The following PLEKHS1 variants were observed in gnomAD, a reference collection of about 807,000 sequenced individuals.
PLEKHS1 encodes the protein pleckstrin homology domain-containing family S member 1.
Under a neutral mutation model 51.0 loss-of-function variants are expected in PLEKHS1, and 55 were observed. The observed-to-expected ratio is 1.08, with a 90% confidence interval of 0.87 to 1.35. The LOEUF is 1.35. PLEKHS1 is among the 40% of genes most tolerant of loss of function. PLEKHS1 has a pLI of 0.00. For missense variants in PLEKHS1, 398 were observed against 423.0 expected (o/e 0.94, Z 0.52); for synonymous variants, 153 against 144.8 (o/e 1.06, Z -0.41).
intron 4 of PLEKHS1, among the ~76,000 whole-genome samples, chr10:113,767,111 T>G (rs1437474951): frequency 6.6e-6 from 1 of 152,192 alleles, no homozygotes; most frequent in African/African-American, 2.4e-5. Context: ...ACATAATTTG[T>G]GGAATCAAGA....
intron 5 of PLEKHS1, among the ~76,000 whole-genome samples, chr10:113,768,171 G>A (rs1269212552): frequency 6.6e-6 from 1 of 152,172 alleles, no homozygotes; most frequent in Non-Finnish European, 1.5e-5. Context: ...ATATATTAGG[G>A]AGGAACTAGG....
intron 11 of PLEKHS1, chr10:113,777,179 C>T: frequency 6.2e-7 from 1 of 1,612,816 alleles, no homozygotes. Flanking sequence ...CCACGGAGAT[C>T]ATCTTCTGGC....
intron 6 of PLEKHS1, 121 bp downstream of exon 6, chr10:113,769,011 T>C: frequency 1.6e-6 from 1 of 611,998 alleles, no homozygotes; most frequent in Non-Finnish European, 2.6e-6. Flanking sequence ...AATAAATAAA[T>C]GAGAAAATGT....
At chr10:113,751,999 A>T (rs756501274) in intron 1 of PLEKHS1, among the ~76,000 whole-genome samples, 103 of 152,320 alleles carry the variant, frequency 6.8e-4, no homozygotes, top group South Asian at 1.2e-3. Context: ...TAAATGGGTC[A>T]GGCAGTGACT....
At chr10:113,757,632 C>T (rs750985510) in intron 2 of PLEKHS1, among the ~76,000 whole-genome samples, 3 of 152,276 alleles carry the variant, frequency 2.0e-5, no homozygotes, top group East Asian at 1.9e-4. Context: ...GCTGAAGATG[C>T]GCTGGCTGTG....
At chr10:113,780,027 A>G (rs1351068066) in intron 11 of PLEKHS1, among the ~76,000 whole-genome samples, 1 of 152,150 alleles carries the variant, frequency 6.6e-6, no homozygotes, top group Non-Finnish European at 1.5e-5. Flanking sequence ...ATGGAACCAA[A>G]GGAAGAACAG....
At chr10:113,762,120 T>C (rs181196561) in intron 2 of PLEKHS1, among the ~76,000 whole-genome samples, 2,144 of 152,036 alleles carry the variant, frequency 0.014, 60 homozygotes, top group African/African-American at 0.047. Context: ...AATATTTCTT[T>C]ATTATCCTTT....
At chr10:113,775,007 A>T in exon 10 of PLEKHS1, 1 of 1,614,050 alleles carries the variant, frequency 6.2e-7, no homozygotes, top group Non-Finnish European at 8.5e-7. Flanking sequence ...GGCCTCACTA[A>T]CTGTTGTGCA....
chr10:113,761,557 T>C (rs751903819), intron 2 of PLEKHS1, among the ~76,000 whole-genome samples: 20 of 152,102 alleles, frequency 1.3e-4, no homozygotes, highest in African/African-American at 1.9e-4. Context: ...GGAACTGTTT[T>C]CATAATTTTA....
At chr10:113,777,478 T>G in intron 11 of PLEKHS1, 1 of 1,592,128 alleles carries the variant, frequency 6.3e-7, no homozygotes, top group Non-Finnish European at 8.6e-7. Flanking sequence ...ACAGAGCACC[T>G]GGGTTCAGGA....
chr10:113,768,970 T>G, intron 6 of PLEKHS1, 80 bp downstream of exon 6: 3 of 1,058,150 alleles, frequency 2.8e-6, no homozygotes, highest in Admixed American at 4.8e-5. Context: ...AGCTTTCCTT[T>G]GCCTCCTTAG....
chr10:113,760,514 T>A (rs1024619453), intron 2 of PLEKHS1, among the ~76,000 whole-genome samples: 1 of 152,192 alleles, frequency 6.6e-6, no homozygotes, highest in African/African-American at 2.4e-5. Context: ...CTAGTGAGCA[T>A]GAAGTGGTTT....
chr10:113,780,914 G>A (rs1844847513), exon 12 of PLEKHS1: 1 of 769,122 alleles, frequency 1.3e-6, no homozygotes, highest in Non-Finnish European at 2.0e-6. Flanking sequence ...TAACAATGGG[G>A]ATGACTATCC....
At chr10:113,773,530 GC>G (rs1387197128) in intron 8 of PLEKHS1, among the ~76,000 whole-genome samples, 1 of 152,202 alleles carries the variant, frequency 6.6e-6, no homozygotes, top group Non-Finnish European at 1.5e-5. Context: ...TGGGACTTCA[GC>G]CAGGCCTGAA....
chr10:113,770,436 TG>T (rs1237324103), intron 7 of PLEKHS1, among the ~76,000 whole-genome samples: 1 of 152,232 alleles, frequency 6.6e-6, no homozygotes, highest in African/African-American at 2.4e-5. Flanking sequence ...GACTTGTAAT[TG>T]GACCTTCAGC....
chr10:113,753,365 T>TCTGAGAGGATGCTGCCTCTCAG (rs1853939576), intron 1 of PLEKHS1, among the ~76,000 whole-genome samples: 1 of 152,192 alleles, frequency 6.6e-6, no homozygotes, highest in Non-Finnish European at 1.5e-5. Flanking sequence ...ATTTTTTAAA[T>TCTGAGAGGATGCTGCCTCTCAG]ATTATCCATG....
chr10:113,761,129 C>A, intron 2 of PLEKHS1, among the ~76,000 whole-genome samples: 1 of 152,138 alleles, frequency 6.6e-6, no homozygotes, highest in East Asian at 1.9e-4. Flanking sequence ...AATTCTATTC[C>A]ATTGGCCTAT....
chr10:113,769,085 A>C (rs972078972), intron 6 of PLEKHS1, among the ~76,000 whole-genome samples, 195 bp downstream of exon 6: 9 of 152,246 alleles, frequency 5.9e-5, no homozygotes, highest in African/African-American at 2.2e-4. Context: ...AGAGAGCTAA[A>C]GTACAGACAC....
At chr10:113,778,667 G>A (rs1199786214) in intron 11 of PLEKHS1, among the ~76,000 whole-genome samples, 5 of 135,470 alleles carry the variant, frequency 3.7e-5, no homozygotes, top group Non-Finnish European at 6.3e-5. Context: ...TTTTTGAGAC[G>A]GAGTCTCGCT....
Sources: allele counts gnomAD v4.1 joint callset (sites outside exome capture counted in the v4.1 genomes callset), GRCh38; gene constraint gnomAD v4.1.1; transcripts MANE v1.5; gene names NCBI Gene and HGNC (gene_info 2026-07-23, HGNC 2026-07-21).